MAP4K4: variants seen among roughly 807,000 people sequenced by gnomAD.
MAP4K4 encodes HPK/GCK-like kinase HGK.
In MAP4K4, 38 loss-of-function variants were observed where a neutral mutation model predicts 189.6. The ratio of observed to expected loss-of-function variants is 0.20; its 90% CI spans 0.15 to 0.26. The LOEUF is 0.26. MAP4K4 is among the 10% of genes least tolerant of loss of function. The probability of loss-of-function intolerance (pLI) is 1.00; values close to 1 mark genes in which losing one functional copy is unlikely to be tolerated. For synonymous variants in MAP4K4, 610 were observed against 624.3 expected (o/e 0.98, Z 0.34); for missense variants, 1,054 against 1,726.9 (o/e 0.61, Z 6.91).
chr2:101,856,396 A>C (rs528058512), intron 13 of MAP4K4, among the ~76,000 whole-genome samples: 1 of 152,236 alleles, frequency 6.6e-6, no homozygotes, highest in African/African-American at 2.4e-5. Context: ...TGGTCTCTAA[A>C]TAGTATAATA....
At chr2:101,823,032 G>A (rs1009064034) in intron 3 of MAP4K4, among the ~76,000 whole-genome samples, 6 of 152,090 alleles carry the variant, frequency 3.9e-5, no homozygotes, top group Non-Finnish European at 8.8e-5. Context: ...ACTCTTTGCA[G>A]GTAGTATGTC....
At chr2:101,734,444 A>G (rs1213357854) in intron 2 of MAP4K4, among the ~76,000 whole-genome samples, 1 of 152,226 alleles carries the variant, frequency 6.6e-6, no homozygotes, top group Non-Finnish European at 1.5e-5. Context: ...CAGGTAGTTT[A>G]CTTAAAAGAT....
rs1026464517 is a variant in MAP4K4, at chr2:101,717,799, C to T, written c.123+19261C>T. Among the ~76,000 whole-genome samples the T allele has an allele frequency of 9.2e-5, 14 of 152,174 alleles. No homozygotes were observed. The South Asian group carries it at 1.2e-3, about 14-fold the overall frequency. ...ATTCTATAAATGAACAGAATGGAGA[C>T]GGTGAAGACTCAGGAGTATAGAGAA... On this transcript the variant is annotated intron_variant, in intron 2 of 32. Transcript: ENST00000324219.
intron 9 of MAP4K4, among the ~76,000 whole-genome samples, chr2:101,839,385 G>A (rs984206819): frequency 3.9e-5 from 6 of 152,198 alleles, no homozygotes; most frequent in East Asian, 3.8e-4. Context: ...CCAGCATTTC[G>A]TCATGGATTC....
chr2:101,821,606 G>A (rs150281226), intron 3 of MAP4K4, among the ~76,000 whole-genome samples: 12 of 152,308 alleles, frequency 7.9e-5, no homozygotes, highest in African/African-American at 2.9e-4. Flanking sequence ...AGGGCTGGAG[G>A]TTGCTCTGGG....
intron 3 of MAP4K4, among the ~76,000 whole-genome samples, chr2:101,804,872 G>A (rs929663079): frequency 2.0e-5 from 3 of 151,906 alleles, no homozygotes; most frequent in Admixed American, 6.6e-5. Flanking sequence ...ATGAAGTCAG[G>A]AGGCCAGCCT....
intron 2 of MAP4K4, among the ~76,000 whole-genome samples, chr2:101,699,040 A>G (rs765040105): frequency 4.6e-5 from 7 of 152,188 alleles, no homozygotes; most frequent in Non-Finnish European, 1.0e-4. Context: ...TGTGGTTGTC[A>G]TCCTTTCTAT....
At chr2:101,751,968 A>G (rs1021628762) in intron 2 of MAP4K4, among the ~76,000 whole-genome samples, 5 of 152,048 alleles carry the variant, frequency 3.3e-5, no homozygotes, top group African/African-American at 7.2e-5. Context: ...TTCCTTATCA[A>G]TGTTTTACAT....
At chr2:101,842,812 A>G (rs1307865236) in intron 11 of MAP4K4, 131 bp downstream of exon 11, 3 of 584,818 alleles carry the variant, frequency 5.1e-6, no homozygotes, top group Non-Finnish European at 9.0e-6. Flanking sequence ...TACTATCTCC[A>G]TTCTTCTCTA....
intron 3 of MAP4K4, among the ~76,000 whole-genome samples, chr2:101,794,688 TG>T (rs1456526790): frequency 6.6e-6 from 1 of 152,246 alleles, no homozygotes; most frequent in East Asian, 1.9e-4. Flanking sequence ...TATCTTTGCT[TG>T]TGCCAAGAAT....
chr2:101,697,908 C>G (rs1185078940), exon 1 of MAP4K4: 1 of 164,026 alleles, frequency 6.1e-6, no homozygotes, highest in Non-Finnish European at 1.4e-5. Context: ...GAGCCCCGAG[C>G]GGCCCGAGAG....
At chr2:101,765,867 G>A (rs978384935) in intron 2 of MAP4K4, among the ~76,000 whole-genome samples, 18 of 152,102 alleles carry the variant, frequency 1.2e-4, no homozygotes, top group South Asian at 2.1e-4. Flanking sequence ...TCTGTGAGGC[G>A]TATTTTAAAG....
intron 2 of MAP4K4, among the ~76,000 whole-genome samples, chr2:101,759,803 TCCCTC>T (rs1298330963): frequency 9.4e-6 from 1 of 105,978 alleles, no homozygotes; most frequent in Non-Finnish European, 1.9e-5. Flanking sequence ...TCCCTTCCCT[TCCCTC>T]CCCTTCCCAT....
intron 3 of MAP4K4, among the ~76,000 whole-genome samples, chr2:101,811,001 C>T (rs1403013541): frequency 6.6e-6 from 1 of 152,170 alleles, no homozygotes; most frequent in Admixed American, 6.5e-5. Flanking sequence ...CTGAGCCTGG[C>T]AGGAAACGAG....
chr2:101,778,392 A>G (rs2085439225), intron 2 of MAP4K4, among the ~76,000 whole-genome samples: 1 of 151,886 alleles, frequency 6.6e-6, no homozygotes, highest in African/African-American at 2.4e-5. Flanking sequence ...TCTTTTTTGT[A>G]GTCATTTCCT....
At chr2:101,820,936 G>A (rs1385207881) in intron 3 of MAP4K4, among the ~76,000 whole-genome samples, 2 of 152,076 alleles carry the variant, frequency 1.3e-5, no homozygotes, top group Admixed American at 6.6e-5. Context: ...TTTATTTGGG[G>A]GCATGCTTCC....
At chr2:101,886,069 G>A (rs993696310) in intron 29 of MAP4K4, among the ~76,000 whole-genome samples, 4 of 151,934 alleles carry the variant, frequency 2.6e-5, no homozygotes, top group Admixed American at 2.6e-4. Flanking sequence ...CAGTGAAGCA[G>A]GATAGATGGA....
At chr2:101,824,005 T>C (rs1255147177) in exon 4 of MAP4K4, 8 of 1,610,572 alleles carry the variant, frequency 5.0e-6, no homozygotes, top group African/African-American at 2.7e-5. Flanking sequence ...CAACATATTA[T>C]GGTGCTTTCA....
intron 3 of MAP4K4, chr2:101,797,144 A>G (rs1264472263): frequency 3.9e-6 from 4 of 1,022,074 alleles, no homozygotes; most frequent in Admixed American, 3.1e-5. Context: ...GGGGAGCACA[A>G]TGTAATGAAT....
Sources: gnomAD v4.1 joint callset for allele counts (sites outside exome capture counted in the v4.1 genomes callset) on GRCh38, gnomAD v4.1.1 for gene constraint, MANE v1.5 for transcripts, NCBI Gene and HGNC (gene_info 2026-07-23, HGNC 2026-07-21) for gene names.